The following CORO2B variants were observed in gnomAD, a reference collection of about 807,000 sequenced individuals.
CORO2B encodes coronin-2B.
Under a neutral mutation model 58.8 loss-of-function variants are expected in CORO2B, and 26 were observed. The ratio of observed to expected loss-of-function variants is 0.44; its 90% CI spans 0.32 to 0.61. CORO2B has a LOEUF of 0.61. Among genes scored for constraint, CORO2B ranks in the 20% least tolerant of loss-of-function variants. CORO2B has a pLI of 0.04. For missense variants in CORO2B, 460 were observed against 645.1 expected (o/e 0.71, Z 3.11); for synonymous variants, 242 against 253.8 (o/e 0.95, Z 0.44).
At chr15:68,532,055 A>G in the CORO2B span, among the ~76,000 whole-genome samples, 2 of 152,028 alleles carry the variant, frequency 1.3e-5, no homozygotes, top group African/African-American at 4.8e-5. Context: ...TTCCTCTGAC[A>G]TAGTGTCTTT....
intron 1 of CORO2B, among the ~76,000 whole-genome samples, chr15:68,621,743 C>G (rs538158048): frequency 2.0e-5 from 3 of 150,520 alleles, no homozygotes; most frequent in Non-Finnish European, 4.4e-5. Flanking sequence ...TTGACAGTCA[C>G]GTGACATTGG....
intron 7 of CORO2B, 29 bp downstream of exon 7, chr15:68,714,692 C>T: frequency 6.4e-7 from 1 of 1,564,792 alleles, no homozygotes; most frequent in Non-Finnish European, 8.8e-7. Flanking sequence ...GGGCCCGGGG[C>T]AGCCTGTGGG....
intron 1 of CORO2B, among the ~76,000 whole-genome samples, chr15:68,601,537 C>T (rs759960466): frequency 1.3e-4 from 20 of 152,174 alleles, no homozygotes; most frequent in Non-Finnish European, 2.1e-4. Context: ...ATGAGGGTGC[C>T]TGTGGGGGCC....
chr15:68,682,670 C>T (rs1041527363), intron 2 of CORO2B, among the ~76,000 whole-genome samples: 1 of 152,100 alleles, frequency 6.6e-6, no homozygotes, highest in Non-Finnish European at 1.5e-5. Flanking sequence ...GTTTATTATC[C>T]CTGCCCCCCA....
At chr15:68,669,992 G>A (rs949674101) in intron 2 of CORO2B, among the ~76,000 whole-genome samples, 5 of 151,634 alleles carry the variant, frequency 3.3e-5, no homozygotes, top group Non-Finnish European at 7.4e-5. Flanking sequence ...AGGAGACAGA[G>A]GTTGCAGTGA....
At chr15:68,597,524 C>T (rs947805915) in intron 1 of CORO2B, among the ~76,000 whole-genome samples, 20 of 151,994 alleles carry the variant, frequency 1.3e-4, no homozygotes, top group African/African-American at 4.8e-4. Flanking sequence ...ATTGCATCCC[C>T]ATTGTGCCCC....
chr15:68,619,229 T>C (rs770529122), intron 1 of CORO2B, among the ~76,000 whole-genome samples: 9 of 152,228 alleles, frequency 5.9e-5, no homozygotes, highest in Non-Finnish European at 1.2e-4. Context: ...ATTCAAGAGC[T>C]ATTAGCCTTT....
At chr15:68,628,749 G>C (rs1304706891) in intron 1 of CORO2B, among the ~76,000 whole-genome samples, 3 of 152,188 alleles carry the variant, frequency 2.0e-5, no homozygotes, top group Non-Finnish European at 4.4e-5. Context: ...ATAGAGAAAG[G>C]CCTTTTCCCA....
In CORO2B at chr15:68,646,939, C is replaced by T. The variant is rs559043852; in HGVS notation, c.216+1579C>T. On this transcript the variant is annotated intron_variant, in intron 2 of 11. Transcript: ENST00000261861. Reference sequence around the variant, plus strand: ...CCTCCGATCACTGTTGCCTCAGGGACGCACTCAGCTCCATCCATCCAGGCC... The same window carrying T: ...CCTCCGATCACTGTTGCCTCAGGGATGCACTCAGCTCCATCCATCCAGGCC... 1.4e-4 allele frequency among the ~76,000 whole-genome samples: 22 copies of T among 152,304 alleles called. No homozygotes were observed. The South Asian group carries it at 4.1e-3, about 29-fold the overall frequency.
At chr15:68,646,365 T>A (rs1026092426) in intron 2 of CORO2B, among the ~76,000 whole-genome samples, 5 of 152,062 alleles carry the variant, frequency 3.3e-5, no homozygotes, top group African/African-American at 1.2e-4. Flanking sequence ...ACTCCCACCC[T>A]CCGCCAAATC....
chr15:68,602,553 T>C (rs2140240124), intron 1 of CORO2B, among the ~76,000 whole-genome samples: 1 of 152,342 alleles, frequency 6.6e-6, no homozygotes, highest in African/African-American at 2.4e-5. Context: ...CGCCTCTCCC[T>C]ATCGTGTACT....
At chr15:68,684,605 C>T (rs1252438424) in intron 2 of CORO2B, among the ~76,000 whole-genome samples, 1 of 152,256 alleles carries the variant, frequency 6.6e-6, no homozygotes, top group Non-Finnish European at 1.5e-5. Flanking sequence ...GGATGAAGGA[C>T]ATCCATGTTT....
rs990517844 is a variant in CORO2B, at chr15:68,579,137, C to G, written c.-126C>G. The G allele has an allele frequency of 2.0e-6, 2 of 981,446 alleles. No homozygotes were observed. Among genetic ancestry groups the G allele is most frequent in the Non-Finnish European group, 2.4e-6 (2 of 828,344 alleles). The allele number at this position is 981,446 out of a possible 1,614,324, so 60.8% of individuals were successfully genotyped here. ...CCGGAGCGCAGCCCCCAGGCTCGGCCGAGCCGCCGGCGGGGCGCGGGGAGC... is the reference window on the plus strand; with the variant it reads ...CCGGAGCGCAGCCCCCAGGCTCGGCGGAGCCGCCGGCGGGGCGCGGGGAGC... On this transcript the variant is annotated 5_prime_UTR_variant, in exon 1 of 12. Coordinates refer to ENST00000261861, the MANE Select transcript of CORO2B (RefSeq NM_006091.5).
At chr15:68,636,732 A>T (rs1316290015) in intron 1 of CORO2B, among the ~76,000 whole-genome samples, 4 of 152,166 alleles carry the variant, frequency 2.6e-5, no homozygotes, top group African/African-American at 9.7e-5. Flanking sequence ...CCACCCAGGA[A>T]CTTCCAGGTG....
the CORO2B span, among the ~76,000 whole-genome samples, chr15:68,548,860 C>T: frequency 6.6e-6 from 1 of 152,176 alleles, no homozygotes; most frequent in African/African-American, 2.4e-5. Flanking sequence ...TACATATATT[C>T]TTAGTCCATT....
chr15:68,622,872 G>T (rs1026715607), intron 1 of CORO2B, among the ~76,000 whole-genome samples: 1 of 152,228 alleles, frequency 6.6e-6, no homozygotes, highest in Non-Finnish European at 1.5e-5. Flanking sequence ...TGGGAAACAG[G>T]CTGGTGGTGG....
At chr15:68,709,647 C>T (rs56131944) in intron 3 of CORO2B, among the ~76,000 whole-genome samples, 2,291 of 151,848 alleles carry the variant, frequency 0.015, 67 homozygotes, top group African/African-American at 0.053. Context: ...GGTAGAGGCA[C>T]GGTCTCGCTG....
chr15:68,685,607 G>T (rs749358905), intron 2 of CORO2B, among the ~76,000 whole-genome samples: 1 of 152,212 alleles, frequency 6.6e-6, no homozygotes, highest in Non-Finnish European at 1.5e-5. Flanking sequence ...GGTGCTCCAG[G>T]AGGCAGGAGG....
rs1038953243 is a variant in CORO2B at position 68,695,151 on chromosome 15, T to C, written c.228T>C (p.Ile76=). The C allele has an allele frequency of 2.0e-5, 33 of 1,613,598 alleles. No homozygotes were observed. The highest frequency in any genetic ancestry group is 2.6e-5 in the Non-Finnish European group (31 of 1,179,758). Reference sequence around the variant, plus strand: ...TTTCTCCTCTGCAGACAGGCAGGATTGAACCCAACTACCCCAAGGTCTGCG... The same window carrying C: ...TTTCTCCTCTGCAGACAGGCAGGATCGAACCCAACTACCCCAAGGTCTGCG... ...LVIPLEQTGR[I]EPNYPKVCGH... The change falls in exon 3 of 12, where the codon ATT becomes ATC. Residue 76 remains isoleucine (I), a synonymous_variant. Transcript: ENST00000261861.
Sources: allele counts gnomAD v4.1 joint callset (sites outside exome capture counted in the v4.1 genomes callset), GRCh38; gene constraint gnomAD v4.1.1; transcripts MANE v1.5; gene names NCBI Gene and HGNC (gene_info 2026-07-23, HGNC 2026-07-21).